PUS7L: variants seen among roughly 807,000 people sequenced by gnomAD.
PUS7L encodes pseudouridine synthase 7 like, also known as pseudouridylate synthase PUS7L.
A neutral mutation model predicts 51.1 loss-of-function variants in PUS7L; 49 were observed. The ratio of observed to expected loss-of-function variants is 0.96; its 90% confidence interval spans 0.76 to 1.22. The LOEUF is 1.22. PUS7L is among the 50% of genes most tolerant of loss of function. The pLI is 0.00. For synonymous variants in PUS7L, 277 were observed against 276.2 expected, an observed-to-expected ratio of 1.00 and a Z score of -0.03; for missense variants, 828 against 820.6, an observed-to-expected ratio of 1.01 and a Z score of -0.11.
At chr12:43,736,330 T>G in intron 7 of PUS7L, 51 bp downstream of exon 7, 1 of 1,486,238 alleles carries the variant, frequency 6.7e-7, no homozygotes, top group South Asian at 1.2e-5. Flanking sequence ...GAAAAATTCA[T>G]GTTCTGGTAT....
At position 43,736,515 on chromosome 12, in the gene PUS7L, C is replaced by A; in HGVS notation, c.1591G>T (p.Val531Phe). ...SLPHSMRIFYVHAYTSKIWNE... is the reference protein window; with the variant it reads ...SLPHSMRIFYFHAYTSKIWNE... The stretch of plus-strand genomic sequence containing the variant: ...CAAATTTTGCTGGTATATGCGTGAA[C>A]ATAGAATATGCGCATGGAATGGGGT... The change falls in exon 7 of 9, where the codon GTT (valine) becomes TTT (phenylalanine). Residue 531 changes from valine (V) to phenylalanine (F), a missense_variant. Physicochemically the swap from Val to Phe is conservative, Grantham distance 50. Transcript: ENST00000344862. The A allele has an allele frequency of 6.2e-7, 1 of 1,614,180 alleles. No individual in the cohort carries two copies. Among genetic ancestry groups the A allele is most frequent in the East Asian group, 2.2e-5 (1 of 44,890 alleles).
At chr12:43,738,468 T>C in intron 5 of PUS7L, 77 bp from the exon 6 acceptor site, 4 of 779,136 alleles carry the variant, frequency 5.1e-6, no homozygotes, top group Non-Finnish European at 8.9e-6. Context: ...GCAAATTCTC[T>C]AGCATCCTAA....
chr12:43,730,091 A>C lies in PUS7L; in HGVS notation c.*285T>G, dbSNP rs1455527312. ...ATCTTGCAGTATTATATATATTCCT[A>C]ATGGTTTTAAAAGATTGTAACTTTA... On this transcript the variant is annotated 3_prime_UTR_variant, in exon 9 of 9. Transcript: ENST00000344862. The C allele has an allele frequency of 1.2e-5, 4 of 325,506 alleles. No individual in the cohort carries two copies. The highest frequency in any genetic ancestry group is 2.3e-5 in the Non-Finnish European group (4 of 176,824). 20.2% of individuals were successfully genotyped at this position (325,506 alleles called of 1,614,324 possible). A position where few individuals can be genotyped will look rare whatever the true frequency, so the allele number is the denominator to read the frequency against.
chr12:43,742,121 C>T (rs1256794498), intron 5 of PUS7L, among the ~76,000 whole-genome samples: 2 of 152,088 alleles, frequency 1.3e-5, no homozygotes, highest in African/African-American at 4.8e-5. Context: ...ATGTGGATTC[C>T]TATCTTTTAT....
In PUS7L at chr12:43,746,226, A is replaced by C; in HGVS notation, c.1083T>G (p.Ile361Met). ...RKVTPERLKN[I>M]EKEIEKKRMN... ...TTCTTTTCTTTTCAATTTCTTTTTC[A>C]ATATTTTTCAACCTGTAAGTAATAA... The change falls in exon 4 of 9, where the codon ATT (isoleucine) becomes ATG (methionine). Residue 361 changes from isoleucine to methionine, a missense_variant. Transcript: ENST00000344862. The C allele has an allele frequency of 7.7e-7, 1 of 1,306,054 alleles. No homozygotes were observed. The highest frequency in any genetic ancestry group is 1.1e-6 in the Non-Finnish European group (1 of 939,180). The allele number at this position is 1,306,054 out of a possible 1,614,324, so 80.9% of individuals were successfully genotyped here.
At position 43,723,934 on chromosome 12, in the gene PUS7L, A is replaced by G. The variant is rs775961788; in HGVS notation, c.*6442T>C. Reference sequence around the variant, plus strand: ...ACCAAAACCATTCTGAACAAATGCAATCATAACCCATTAATTCCCTTAAAT... The same window carrying G: ...ACCAAAACCATTCTGAACAAATGCAGTCATAACCCATTAATTCCCTTAAAT... On this transcript the variant is annotated 3_prime_UTR_variant, in exon 9 of 9. Transcript: ENST00000344862. The G allele has an allele frequency of 2.6e-5, 4 of 152,078 alleles. No individual in the cohort carries two copies. Among genetic ancestry groups the G allele is most frequent in the Non-Finnish European group, 4.4e-5 (3 of 67,948 alleles). The allele number at this position is 152,078 out of a possible 1,614,324, so 9.4% of individuals were successfully genotyped here.
chr12:43,758,093 G>A (rs549764908), intron 1 of PUS7L, among the ~76,000 whole-genome samples: 6 of 152,212 alleles, frequency 3.9e-5, no homozygotes, highest in Non-Finnish European at 8.8e-5. Context: ...ATCCGATGGA[G>A]TAACAGTTAG....
At position 43,736,579 on chromosome 12, in the gene PUS7L, G is replaced by T; in HGVS notation, c.1527C>A (p.Gly509=). 1 of 1,614,052 alleles carries T rather than the reference G, an allele frequency of 6.2e-7. No homozygotes were observed. The highest frequency in any genetic ancestry group is 8.5e-7 in the Non-Finnish European group (1 of 1,180,026). Residue 509 remains glycine (G), a synonymous_variant, in exon 7 of 9, where the codon GGC becomes GGA. Transcript: ENST00000344862. ...CCTGGATACAACCTTCCTCGGTCAT[G>T]CCAAAGCGGTGCAATGCCTCCAACA... ...RALLEALHRF[G]MTEEGCIQAW... is the part of the protein sequence containing the mutation.
chr12:43,726,481 C>T lies in PUS7L; in HGVS notation c.*3895G>A, dbSNP rs1014280716. ...AGGAAATATCATTCTGGACAAAAGA[C>T]CTAACAAAGATATCATGACAGACTC... On this transcript the variant is annotated 3_prime_UTR_variant, in exon 9 of 9. Transcript: ENST00000344862. 1 of 127,734 alleles carries T rather than the reference C, an allele frequency of 7.8e-6. No individual in the cohort carries two copies. Among genetic ancestry groups the T allele is most frequent in the African/African-American group, 3.1e-5 (1 of 32,672 alleles). The allele number at this position is 127,734 out of a possible 1,614,324, so 7.9% of individuals were successfully genotyped here. A position where few individuals can be genotyped will look rare whatever the true frequency, so the allele number is the denominator to read the frequency against.
chr12:43,752,668 C>T (rs900947677), intron 2 of PUS7L, among the ~76,000 whole-genome samples: 1 of 152,128 alleles, frequency 6.6e-6, no homozygotes, highest in Non-Finnish European at 1.5e-5. Flanking sequence ...TTATATGAGA[C>T]ACCTAGAGTT....
chr12:43,738,421 T>A (rs1442336254), intron 5 of PUS7L, 30 bp from the exon 6 acceptor site: 1 of 1,135,806 alleles, frequency 8.8e-7, no homozygotes, highest in South Asian at 1.3e-5. Flanking sequence ...AAACATGTGT[T>A]AATGAAAATG....
chr12:43,728,540 C>T lies in PUS7L; in HGVS notation c.*1836G>A, dbSNP rs936924346. The T allele has an allele frequency of 6.6e-6, 1 of 151,954 alleles. No individual in the cohort carries two copies. Among genetic ancestry groups the T allele is most frequent in the Non-Finnish European group, 1.5e-5 (1 of 67,940 alleles). The allele number at this position is 151,954 out of a possible 1,614,324, so 9.4% of individuals were successfully genotyped here. A position where few individuals can be genotyped will look rare whatever the true frequency, so the allele number is the denominator to read the frequency against. On this transcript the variant is annotated 3_prime_UTR_variant, in exon 9 of 9. Coordinates refer to ENST00000344862, the MANE Select transcript of PUS7L (RefSeq NM_031292.5). ...TTTACTACCTAATAGAGGATCACTT[C>T]ATTCTCAATATAACATTAAAATGAT... is the stretch of plus-strand genomic sequence containing the variant.
At chr12:43,734,902 C>T (rs1029762755) in intron 7 of PUS7L, among the ~76,000 whole-genome samples, 7 of 152,146 alleles carry the variant, frequency 4.6e-5, no homozygotes, top group Admixed American at 2.0e-4. Flanking sequence ...ATTTATGAGA[C>T]TGACTTATGA....
In PUS7L at chr12:43,736,560, T is replaced by C; in HGVS notation, c.1546A>G (p.Ile516Val). Residue 516 changes from isoleucine to valine, a missense_variant, in exon 7 of 9, where the codon ATC becomes GTC. Transcript: ENST00000344862. ...HRFGMTEEGC[I>V]QAWFSLPHSM... The stretch of plus-strand genomic sequence containing the variant: ...TGGGGTAAAGAGAACCATGCCTGGA[T>C]ACAACCTTCCTCGGTCATGCCAAAG... 1 of 1,614,074 alleles carries C rather than the reference T, an allele frequency of 6.2e-7. No homozygotes were observed. The highest frequency in any genetic ancestry group is 1.3e-5 in the African/African-American group (1 of 74,922).
In PUS7L at chr12:43,748,571, C is replaced by T; in HGVS notation, c.949G>A (p.Ala317Thr). Residue 317 changes from alanine (A) to threonine (T), a missense_variant, in exon 3 of 9, where the codon GCG becomes ACG. Ala to Thr is a moderately conservative substitution (Grantham distance 58). Transcript: ENST00000344862. ...LRKENLEMFEAIGFLAIKLGV... is the reference protein window; with the variant it reads ...LRKENLEMFETIGFLAIKLGV... The stretch of plus-strand genomic sequence containing the variant: ...AGTTTGATAGCTAAAAAACCAATCG[C>T]TTCAAACATTTCCAGGTTTTCCTTT... 2 of 1,599,558 alleles carry T rather than the reference C, an allele frequency of 1.3e-6. No homozygotes were observed. The highest frequency in any genetic ancestry group is 2.7e-5 in the African/African-American group (2 of 73,952).
rs747619577 is a variant in PUS7L at position 43,754,991 on chromosome 12, G to A, written c.255C>T (p.Asn85=). ...ACTTAATCAAAGTATGAACTTCTTG[G>A]TTTCTTCCATCTTCTAAGGACAGAT... ...LQNLSLEDGR[N]QEVHTLIKYT... The change falls in exon 2 of 9, where the codon AAC becomes AAT. Residue 85 remains asparagine (N), a synonymous_variant. Coordinates refer to ENST00000344862, the MANE Select transcript of PUS7L (RefSeq NM_031292.5). 12 of 1,613,018 alleles carry A rather than the reference G, an allele frequency of 7.4e-6. No homozygotes were observed. Among genetic ancestry groups the A allele is most frequent in the African/African-American group, 1.3e-5 (1 of 74,818 alleles).
rs552661737 is a variant in PUS7L, at chr12:43,728,597, C to T, written c.*1779G>A. ...AATCCAAAGAAAATCAATGGTACTA[C>T]AATATCCAATTTTGTGTATTGAGAA... On this transcript the variant is annotated 3_prime_UTR_variant, in exon 9 of 9. Transcript: ENST00000344862. The T allele has an allele frequency of 6.6e-6, 1 of 152,064 alleles. No homozygotes were observed. The highest frequency in any genetic ancestry group is 1.5e-5 in the Non-Finnish European group (1 of 67,938). The allele number at this position is 152,064 out of a possible 1,614,324, so 9.4% of individuals were successfully genotyped here. A position where few individuals can be genotyped will look rare whatever the true frequency, so the allele number is the denominator to read the frequency against.
Position 43,728,524 on chromosome 12 carries a change from TAATA to T in PUS7L, c.*1848_*1851del, listed in dbSNP as rs1340724629. 2 of 152,056 alleles carry T rather than the reference TAATA, an allele frequency of 1.3e-5. No homozygotes were observed. Among genetic ancestry groups the T allele is most frequent in the African/African-American group, 2.4e-5 (1 of 41,412 alleles). The allele number at this position is 152,056 out of a possible 1,614,324, so 9.4% of individuals were successfully genotyped here. A position where few individuals can be genotyped will look rare whatever the true frequency, so the allele number is the denominator to read the frequency against. ...TTTTTTCTAAATTTTTTTTACTACCTAATAGAGGATCACTTCATTCTCAATATAA... is the reference window on the plus strand; with the variant it reads ...TTTTTTCTAAATTTTTTTTACTACCTGAGGATCACTTCATTCTCAATATAA... On this transcript the variant is annotated 3_prime_UTR_variant, in exon 9 of 9. Transcript: ENST00000344862.
chr12:43,745,918 ATAAT>A (rs374943625), intron 4 of PUS7L, 124 bp downstream of exon 4: 38 of 528,336 alleles, frequency 7.2e-5, no homozygotes, highest in East Asian at 6.2e-4. Context: ...ACTTTAGAAA[ATAAT>A]TAATCACTTT....
Sources: allele counts gnomAD v4.1 joint callset (sites outside exome capture counted in the v4.1 genomes callset), GRCh38; gene constraint gnomAD v4.1.1; transcripts MANE v1.5; gene names NCBI Gene and HGNC (gene_info 2026-07-23, HGNC 2026-07-21).